CYSLTR1: variants seen among roughly 807,000 people sequenced by gnomAD.
The protein encoded by CYSLTR1 is G-protein coupled receptor HG55.
Under a neutral mutation model 2.1 loss-of-function variants are expected in CYSLTR1, and 1 was observed. The ratio of observed to expected loss-of-function variants is 0.48; its 90% CI spans 0.17 to 2.28. The LOEUF is 2.28. CYSLTR1 is among the 30% of genes most tolerant of loss of function. The pLI is 0.26. For missense variants in CYSLTR1, 299 were observed against 250.1 expected (o/e 1.20, Z -1.32); for synonymous variants, 110 against 89.6 (o/e 1.23, Z -1.28).
chrX:78,290,188 A>C (rs1288236723), intron 1 of CYSLTR1, among the ~76,000 whole-genome samples: 1 of 112,001 alleles, frequency 8.9e-6, no homozygotes, highest in Non-Finnish European at 1.9e-5. Flanking sequence ...ATGGCTAGCC[A>C]GTTTTCCCAG....
chrX:78,294,247 G>A (rs1165514669), intron 1 of CYSLTR1, among the ~76,000 whole-genome samples: 2 of 112,676 alleles, frequency 1.8e-5, no homozygotes, highest in Non-Finnish European at 3.7e-5. Context: ...GTTTGCTGGA[G>A]TTCCACTCCA....
At chrX:78,278,256 A>G (rs1921685677) in intron 2 of CYSLTR1, among the ~76,000 whole-genome samples, 1 of 111,908 alleles carries the variant, frequency 8.9e-6, no homozygotes, top group South Asian at 3.7e-4. Context: ...CAAAACCTCC[A>G]AGAAATATGG....
intron 1 of CYSLTR1, among the ~76,000 whole-genome samples, chrX:78,325,131 C>G (rs373469520): frequency 8.9e-6 from 1 of 112,187 alleles, no homozygotes; most frequent in African/African-American, 3.2e-5. Context: ...CACAGAAATA[C>G]TTTTTAAATA....
chrX:78,284,775 AG>A (rs1338183702), intron 1 of CYSLTR1, among the ~76,000 whole-genome samples: 1 of 109,826 alleles, frequency 9.1e-6, no homozygotes, highest in African/African-American at 3.3e-5. Flanking sequence ...AAAAAAAAAA[AG>A]AAAAAAGGAA....
chrX:78,289,931 G>C (rs945729786), intron 1 of CYSLTR1, among the ~76,000 whole-genome samples: 3 of 111,523 alleles, frequency 2.7e-5, no homozygotes, highest in African/African-American at 9.8e-5. Flanking sequence ...CACTCTGATG[G>C]TAGTTTCTTC....
chrX:78,294,753 G>C (rs1385334524), intron 1 of CYSLTR1, among the ~76,000 whole-genome samples: 1 of 112,831 alleles, frequency 8.9e-6, no homozygotes, highest in Non-Finnish European at 1.9e-5. Flanking sequence ...TGCTGATAGT[G>C]AGCAAGGCTC....
At chrX:78,308,921 T>A (rs1923124450) in intron 1 of CYSLTR1, among the ~76,000 whole-genome samples, 2 of 111,432 alleles carry the variant, frequency 1.8e-5, no homozygotes, top group African/African-American at 6.5e-5. Context: ...GGGAGAGATA[T>A]AGCTATATTT....
At chrX:78,317,934 T>C (rs1358309589) in intron 1 of CYSLTR1, among the ~76,000 whole-genome samples, 1 of 111,675 alleles carries the variant, frequency 9.0e-6, no homozygotes, top group African/African-American at 3.3e-5. Flanking sequence ...AAAGAACTTA[T>C]GCATGTAACC....
intron 2 of CYSLTR1, among the ~76,000 whole-genome samples, chrX:78,278,666 G>A (rs905426866): frequency 1.8e-5 from 2 of 112,080 alleles, no homozygotes; most frequent in Admixed American, 1.9e-4. Flanking sequence ...AGCAAACTAA[G>A]CAAAAAGAAC....
At chrX:78,292,060 T>A (rs1213078373) in intron 1 of CYSLTR1, among the ~76,000 whole-genome samples, 1 of 111,844 alleles carries the variant, frequency 8.9e-6, no homozygotes, top group East Asian at 2.8e-4. Context: ...ATTGTGATGT[T>A]AGGGTGCCAA....
chrX:78,310,582 G>A (rs981529784), intron 1 of CYSLTR1, among the ~76,000 whole-genome samples: 1 of 112,318 alleles, frequency 8.9e-6, no homozygotes, highest in Non-Finnish European at 1.9e-5. Flanking sequence ...TCTACTAGAA[G>A]AAGACACAAG....
chrX:78,320,848 T>C (rs1923624095), intron 1 of CYSLTR1: 1 of 111,612 alleles, frequency 9.0e-6, no homozygotes, highest in Admixed American at 9.5e-5. Context: ...GTTGGATTCC[T>C]AGGTATTTTA....
intron 1 of CYSLTR1, among the ~76,000 whole-genome samples, chrX:78,308,321 T>G (rs1218738188): frequency 1.8e-5 from 2 of 112,125 alleles, no homozygotes; most frequent in African/African-American, 6.5e-5. Context: ...TGATTTTGAT[T>G]ATATGATTAA....
At chrX:78,296,951 G>A (rs78728631) in intron 1 of CYSLTR1, among the ~76,000 whole-genome samples, 2 of 111,268 alleles carry the variant, frequency 1.8e-5, no homozygotes, top group African/African-American at 3.3e-5. Flanking sequence ...GTGGAAGTGG[G>A]CATCCTTGTT....
chrX:78,323,527 GTGT>G (rs1923746114), intron 1 of CYSLTR1, among the ~76,000 whole-genome samples: 1 of 112,092 alleles, frequency 8.9e-6, no homozygotes, highest in Non-Finnish European at 1.9e-5. Context: ...AGATGTTTGA[GTGT>G]TGTTATTATT....
At chrX:78,291,205 T>C (rs985781076) in intron 1 of CYSLTR1, among the ~76,000 whole-genome samples, 4 of 111,671 alleles carry the variant, frequency 3.6e-5, no homozygotes, top group African/African-American at 1.3e-4. Flanking sequence ...TCTCCACCTA[T>C]TGAGAAAATC....
At position 78,272,575 on chromosome X, in the gene CYSLTR1, C is replaced by A. The variant is rs944307034; in HGVS notation, c.*158G>T. Reference sequence around the variant, plus strand: ...TAGCACTTAAAATATCTATAAATATCTAATCATGTGGATGCATAAATGAGA... The same window carrying A: ...TAGCACTTAAAATATCTATAAATATATAATCATGTGGATGCATAAATGAGA... On this transcript the variant is annotated 3_prime_UTR_variant, in exon 3 of 3. Transcript: ENST00000373304. The A allele has an allele frequency of 2.3e-6, 1 of 442,166 alleles. No individual in the cohort carries two copies. Among genetic ancestry groups the A allele is most frequent in the East Asian group, 4.3e-5 (1 of 23,112 alleles). 36.4% of individuals were successfully genotyped at this position (442,166 alleles called of 1,213,427 possible). A position where few individuals can be genotyped will look rare whatever the true frequency, so the allele number is the denominator to read the frequency against.
chrX:78,290,494 G>C (rs1922275076), intron 1 of CYSLTR1, among the ~76,000 whole-genome samples: 3 of 111,578 alleles, frequency 2.7e-5, no homozygotes, highest in Admixed American at 9.5e-5. Flanking sequence ...TTCCAATTCT[G>C]TGAAGAAAGT....
chrX:78,306,945 G>A lies in CYSLTR1; in HGVS notation c.-115+20360C>T, dbSNP rs535591910. On this transcript the variant is annotated intron_variant, in intron 1 of 2. Transcript: ENST00000373304. ...GTAATTAGGAGGCCAGTGGTGATCT[G>A]GGAGAAAATATTTTCAATGAAGTAA... Among the ~76,000 whole-genome samples, 17 of 111,781 alleles carry A rather than the reference G, an allele frequency of 1.5e-4. 1 individual carries two copies. The South Asian group carries it at 6.3e-3, about 41-fold the overall frequency.
Sources: allele counts gnomAD v4.1 joint callset (sites outside exome capture counted in the v4.1 genomes callset), GRCh38; gene constraint gnomAD v4.1.1; transcripts MANE v1.5; gene names NCBI Gene and HGNC (gene_info 2026-07-23, HGNC 2026-07-21).